The following ITM2C variants were observed in gnomAD, a reference collection of about 807,000 sequenced individuals.
ITM2C encodes integral membrane protein 2C, also known as BRICHOS domain containing 2C.
ITM2C carries 20 observed loss-of-function variants against 30.0 expected under a neutral mutation model. The observed-to-expected ratio is 0.67, with a 90% CI of 0.47 to 0.97. The LOEUF is 0.97. Among genes scored for constraint, ITM2C ranks in the 50% least tolerant of loss-of-function variants. The pLI is 0.00. For synonymous variants in ITM2C, 167 were observed against 156.4 expected (o/e 1.07, Z -0.51); for missense variants, 366 against 371.9 (o/e 0.98, Z 0.13).
chr2:230,877,935 CAGGCTG>C lies in ITM2C; in HGVS notation c.713-66_713-61del. On this transcript the variant is annotated intron_variant, in intron 5 of 5. Coordinates refer to ENST00000326427, the MANE Select transcript of ITM2C (RefSeq NM_030926.6). This position sits in a 1 kb window ranked among gnomAD's most constrained non-coding sequence, Gnocchi z 4.8. The stretch of plus-strand genomic sequence containing the variant: ...GTCACTTCCTGGCCCTCCTGTGGCT[CAGGCTG>C]AGGCTGGTGGTCTTTGTGACTCAGC... The C allele has an allele frequency of 3.2e-6, 4 of 1,231,734 alleles. No individual in the cohort carries two copies. Among genetic ancestry groups the C allele is most frequent in the Non-Finnish European group, 4.7e-6 (4 of 842,366 alleles). 76.3% of individuals were successfully genotyped at this position (1,231,734 alleles called of 1,614,324 possible). A position where few individuals can be genotyped will look rare whatever the true frequency, so the allele number is the denominator to read the frequency against.
intron 1 of ITM2C, among the ~76,000 whole-genome samples, chr2:230,872,100 A>G (rs1467815343): frequency 6.6e-6 from 1 of 152,154 alleles, no homozygotes; most frequent in Non-Finnish European, 1.5e-5. Flanking sequence ...CATTTTGCAG[A>G]TGGGGAAGCC....
Position 230,877,294 on chromosome 2 carries a change from C to T in ITM2C, c.562-106C>T. The T allele has an allele frequency of 5.0e-6, 6 of 1,199,276 alleles. No individual in the cohort carries two copies. The highest frequency in any genetic ancestry group is 2.9e-4 in the Middle Eastern group (1 of 3,478). 74.3% of individuals were successfully genotyped at this position (1,199,276 alleles called of 1,614,324 possible). ...GAAGTGCCTGAGGACATCAGAAGGG[C>T]CAGCCCAGGGGCCTCTGGAGGAGGG... On this transcript the variant is annotated intron_variant, in intron 4 of 5. Transcript: ENST00000326427. This position sits in a 1 kb window ranked among gnomAD's most constrained non-coding sequence, Gnocchi z 4.8.
At chr2:230,872,713 G>A (rs1182442324) in intron 1 of ITM2C, among the ~76,000 whole-genome samples, 2 of 152,126 alleles carry the variant, frequency 1.3e-5, no homozygotes, top group African/African-American at 4.8e-5. Context: ...GGTGCCTGTG[G>A]GGGGCCAGTG....
intron 1 of ITM2C, among the ~76,000 whole-genome samples, chr2:230,868,163 G>A (rs979439988): frequency 2.6e-4 from 40 of 152,116 alleles, no homozygotes; most frequent in African/African-American, 9.2e-4. Context: ...AACACAAGGA[G>A]GATTTTGTCT....
chr2:230,875,891 C>A, intron 3 of ITM2C, 83 bp downstream of exon 3: 3 of 1,175,898 alleles, frequency 2.6e-6, no homozygotes, highest in Non-Finnish European at 3.6e-6. Context: ...TGAAAGGAGA[C>A]TCCTCGGAGT....
At chr2:230,867,651 C>T (rs944317465) in intron 1 of ITM2C, among the ~76,000 whole-genome samples, 49 of 125,444 alleles carry the variant, frequency 3.9e-4, no homozygotes, top group African/African-American at 1.5e-3. Flanking sequence ...TTTATTTTAT[C>T]TATTTTATTT....
chr2:230,875,827 T>C lies in ITM2C; in HGVS notation c.450+19T>C. ...CCAGCGGGTGAGGCTGGCCAGGGCC[T>C]GGGGGTGGGGGGTGGGAGGGTGTCC... On this transcript the variant is annotated intron_variant, in intron 3 of 5. Transcript: ENST00000326427. 1.2e-5 allele frequency: 2 copies of C among 161,056 alleles called. No individual in the cohort carries two copies. The highest frequency in any genetic ancestry group is 7.0e-5 in the South Asian group (1 of 14,332). 10.0% of individuals were successfully genotyped at this position (161,056 alleles called of 1,614,324 possible).
In ITM2C at chr2:230,876,085, A is replaced by G. The variant is rs375276281; in HGVS notation, c.450+277A>G. On this transcript the variant is annotated intron_variant, in intron 3 of 5. Transcript: ENST00000326427. ...TGTATCGAGGGGTAGTACATTCACCATCGAGTGCATTGCGTGTACAGCTCA... is the reference window on the plus strand; with the variant it reads ...TGTATCGAGGGGTAGTACATTCACCGTCGAGTGCATTGCGTGTACAGCTCA... Among the ~76,000 whole-genome samples, 11 of 152,192 alleles carry G rather than the reference A, an allele frequency of 7.2e-5. No homozygotes were observed. The East Asian group carries it at 1.7e-3, about 24-fold the overall frequency.
chr2:230,873,191 G>T, intron 1 of ITM2C: 1 of 445,090 alleles, frequency 2.2e-6, no homozygotes, highest in Non-Finnish European at 3.9e-6. Context: ...CTCTTTCGAG[G>T]TGTGTCTCCT....
chr2:230,871,856 C>T (rs1697173713), intron 1 of ITM2C, among the ~76,000 whole-genome samples: 2 of 152,232 alleles, frequency 1.3e-5, no homozygotes, highest in Non-Finnish European at 2.9e-5. Context: ...CCTCAGCTCC[C>T]CAGGGCCCAG....
At chr2:230,876,639 G>A (rs899678394) in intron 3 of ITM2C, among the ~76,000 whole-genome samples, 2 of 152,142 alleles carry the variant, frequency 1.3e-5, no homozygotes, top group African/African-American at 4.8e-5. Context: ...CCACCACCAC[G>A]CCTGGCAAAT....
intron 1 of ITM2C, among the ~76,000 whole-genome samples, chr2:230,866,246 G>T (rs1406940923): frequency 6.6e-6 from 1 of 152,222 alleles, no homozygotes; most frequent in Non-Finnish European, 1.5e-5. Flanking sequence ...CCGCATTGAG[G>T]CAGGACTGAG....
At chr2:230,876,223 G>A (rs1442686043) in intron 3 of ITM2C, among the ~76,000 whole-genome samples, 1 of 152,134 alleles carries the variant, frequency 6.6e-6, no homozygotes, top group Non-Finnish European at 1.5e-5. Context: ...GCCCTCACAG[G>A]TTTCATAAAT....
chr2:230,874,098 G>A (rs1697232548), intron 2 of ITM2C, among the ~76,000 whole-genome samples: 1 of 152,206 alleles, frequency 6.6e-6, no homozygotes, highest in African/African-American at 2.4e-5. Flanking sequence ...ACCTGGGAGG[G>A]AGGGAGTGTC....
intron 1 of ITM2C, among the ~76,000 whole-genome samples, chr2:230,870,165 G>A (rs1000571796): frequency 2.6e-5 from 4 of 152,360 alleles, no homozygotes; most frequent in South Asian, 2.1e-4. Flanking sequence ...TAAATACCCC[G>A]AGATCACAGG....
intron 1 of ITM2C, among the ~76,000 whole-genome samples, chr2:230,869,284 G>T (rs940906042): frequency 1.3e-5 from 2 of 152,226 alleles, no homozygotes; most frequent in African/African-American, 4.8e-5. Flanking sequence ...TGCCCGTGGG[G>T]CCTGCAGTCT....
rs959646927 is a variant in ITM2C at position 230,865,858 on chromosome 2, C to G, written c.120+713C>G. ...CCTCCCTGCTCCCCTCTCTTTTCTC[C>G]ATTCCCAGCCTCTCGCTGGGCTGTC... On this transcript the variant is annotated intron_variant, in intron 1 of 5. Transcript: ENST00000326427. This position sits in a 1 kb window ranked among gnomAD's most constrained non-coding sequence, Gnocchi z 6.8. The G allele has an allele frequency of 5.9e-5, 9 of 152,474 alleles. No individual in the cohort carries two copies. Among genetic ancestry groups the G allele is most frequent in the African/African-American group, 2.2e-4 (9 of 41,570 alleles). The allele number at this position is 152,474 out of a possible 1,614,324, so 9.4% of individuals were successfully genotyped here.
In ITM2C at chr2:230,877,941, G is replaced by T; in HGVS notation, c.713-67G>T. On this transcript the variant is annotated intron_variant, in intron 5 of 5. Coordinates refer to ENST00000326427, the MANE Select transcript of ITM2C (RefSeq NM_030926.6). The surrounding 1 kb of genome is among the most constrained non-coding windows in gnomAD (Gnocchi z 4.8). ...TCCTGGCCCTCCTGTGGCTCAGGCT[G>T]AGGCTGGTGGTCTTTGTGACTCAGC... 7.7e-7 allele frequency: 1 copy of T among 1,301,446 alleles called. No homozygotes were observed. 80.6% of individuals were successfully genotyped at this position (1,301,446 alleles called of 1,614,324 possible). A position where few individuals can be genotyped will look rare whatever the true frequency, so the allele number is the denominator to read the frequency against.
At position 230,868,416 on chromosome 2, in the gene ITM2C, C is replaced by A. The variant is rs191756938; in HGVS notation, c.120+3271C>A. Among the ~76,000 whole-genome samples, 29 of 152,008 alleles carry A rather than the reference C, an allele frequency of 1.9e-4. No homozygotes were observed. The East Asian group carries it at 5.7e-3, about 30-fold the overall frequency. ...TTTGGGGGCCCACTGGCTGGCCATGCCCCTCTTAGCCTGCCCCTTCTCCCC... is the reference window on the plus strand; with the variant it reads ...TTTGGGGGCCCACTGGCTGGCCATGACCCTCTTAGCCTGCCCCTTCTCCCC... On this transcript the variant is annotated intron_variant, in intron 1 of 5. Transcript: ENST00000326427.
Sources: allele counts gnomAD v4.1 joint callset (sites outside exome capture counted in the v4.1 genomes callset), GRCh38; gene constraint gnomAD v4.1.1; non-coding constraint Gnocchi (gnomAD v3.1); transcripts MANE v1.5; gene names NCBI Gene and HGNC (gene_info 2026-07-23, HGNC 2026-07-21).